RDH8: variants seen among roughly 807,000 people sequenced by gnomAD.
The protein encoded by RDH8 is photoreceptor outer segment all-trans retinol dehydrogenase.
Under a neutral mutation model 22.3 loss-of-function variants are expected in RDH8, and 14 were observed. That is an observed-to-expected ratio of 0.63 (90% confidence interval 0.42 to 0.98). The LOEUF is 0.98. Ranked by LOEUF, RDH8 falls within the 50% of genes least tolerant of loss-of-function variation. The pLI, the probability that RDH8 is intolerant of heterozygous loss-of-function variation, is 0.00. For missense variants in RDH8, 389 were observed against 409.8 expected (o/e 0.95, Z 0.44); for synonymous variants, 175 against 171.7 (o/e 1.02, Z -0.15).
chr19:10,014,578 T>A (rs1248862060), intron 1 of RDH8, among the ~76,000 whole-genome samples: 4 of 152,168 alleles, frequency 2.6e-5, no homozygotes, highest in Non-Finnish European at 5.9e-5. Flanking sequence ...TCTTGCTCTG[T>A]CACCCAGGCT....
In RDH8 at chr19:10,018,782, C is replaced by A. The variant is rs776800011; in HGVS notation, c.314C>A (p.Ala105Asp). 32 of 1,613,646 alleles carry A rather than the reference C, an allele frequency of 2.0e-5. No individual in the cohort carries two copies. The highest frequency in any genetic ancestry group is 4.2e-6 in the Non-Finnish European group (5 of 1,179,778). Residue 105 changes from alanine (A) to aspartate (D), a missense_variant, in exon 3 of 6, where the codon GCT becomes GAT. Ala to Asp is a moderately radical substitution (Grantham distance 126). Transcript: ENST00000591589. Reference sequence around the variant, plus strand: ...GGGCCCCTGGAGGGGCTCAGCCTTGCTGCCATGCAGAATGTCTTTGACACC... The same window carrying A: ...GGGCCCCTGGAGGGGCTCAGCCTTGATGCCATGCAGAATGTCTTTGACACC... ...LVGPLEGLSL[A>D]AMQNVFDTNF... is the part of the protein sequence containing the mutation.
chr19:10,014,318 G>A (rs906812109), intron 1 of RDH8, among the ~76,000 whole-genome samples: 9 of 152,184 alleles, frequency 5.9e-5, no homozygotes, highest in African/African-American at 1.2e-4. Context: ...TTTTAGAGAC[G>A]CACACAGCTT....
chr19:10,016,358 T>C (rs1463489813), intron 1 of RDH8, among the ~76,000 whole-genome samples: 2 of 149,274 alleles, frequency 1.3e-5, no homozygotes, highest in African/African-American at 5.0e-5. Context: ...GGTTTCACCA[T>C]GTTAGCCAGG....
chr19:10,014,250 G>C (rs2087591500), intron 1 of RDH8, among the ~76,000 whole-genome samples: 1 of 152,214 alleles, frequency 6.6e-6, no homozygotes, highest in Admixed American at 6.5e-5. Context: ...AGAGGCGACT[G>C]GGGGTGAGGG....
intron 2 of RDH8, among the ~76,000 whole-genome samples, chr19:10,017,950 A>T (rs1480912357): frequency 1.3e-5 from 2 of 151,308 alleles, no homozygotes; most frequent in Admixed American, 6.6e-5. Flanking sequence ...CTGGCCAAAA[A>T]TCAATTTTTT....
At chr19:10,020,115 TC>T (rs1052204229) in intron 3 of RDH8, among the ~76,000 whole-genome samples, 3 of 149,864 alleles carry the variant, frequency 2.0e-5, no homozygotes, top group African/African-American at 7.4e-5. Context: ...AGACTCCGTC[TC>T]CCCCCCGCCA....
At position 10,020,777 on chromosome 19, in the gene RDH8, A is replaced by G. The variant is rs778989348; in HGVS notation, c.511A>G (p.Ile171Val). 1 of 1,610,116 alleles carries G rather than the reference A, an allele frequency of 6.2e-7. No homozygotes were observed. The highest frequency in any genetic ancestry group is 1.1e-5 in the South Asian group (1 of 90,240). ...GGAGGGATTCTTCGAAAGCCTCGCT[A>G]TCCAGCTGCTGCAGTTCAACATCTT... ...ALEGFFESLAIQLLQFNIFIS... is the reference protein window; with the variant it reads ...ALEGFFESLAVQLLQFNIFIS... The change falls in exon 4 of 6, where the codon ATC becomes GTC. Residue 171 changes from isoleucine to valine, a missense_variant. By Grantham distance (29) the Ile-to-Val change is conservative (BLOSUM62 3). Transcript: ENST00000591589.
intron 1 of RDH8, among the ~76,000 whole-genome samples, chr19:10,016,806 TAGAATAGGG>T: frequency 6.6e-6 from 1 of 152,142 alleles, no homozygotes. Context: ...CCTCAGCACC[TAGAATAGGG>T]CATAGTGTAT....
In RDH8 at chr19:10,014,912, T is replaced by C. The variant is rs1599240661; in HGVS notation, c.103+1312T>C. Among the ~76,000 whole-genome samples, 6 of 152,290 alleles carry C rather than the reference T, an allele frequency of 3.9e-5. 1 individual carries two copies. The highest frequency in any genetic ancestry group is 3.9e-4 in the Admixed American group (6 of 15,288). On this transcript the variant is annotated intron_variant, in intron 1 of 5. Transcript: ENST00000591589. ...TGCTCAAGGTCTCCCAGCTGCAAAG[T>C]AGCAGAGCTGGGATTTGAACTCAGG...
Position 10,021,511 on chromosome 19 carries a change from C to A in RDH8, c.721-23C>A, listed in dbSNP as rs370927889. On this transcript the variant is annotated intron_variant, in intron 5 of 5. Coordinates refer to ENST00000591589, the MANE Select transcript of RDH8 (RefSeq NM_015725.4). ...GGGTGAGGCCCTCCCTGGGTCCCAG[C>A]GCTCAGGGCCTCCATTCTGCAGGCC... The A allele has an allele frequency of 1.5e-5, 25 of 1,613,874 alleles. No homozygotes were observed. In the African/African-American group the frequency reaches 2.7e-4, roughly 17 times the overall value.
chr19:10,018,254 T>C (rs934489474), intron 2 of RDH8, among the ~76,000 whole-genome samples: 7 of 152,220 alleles, frequency 4.6e-5, no homozygotes, highest in African/African-American at 1.7e-4. Context: ...CAAAAATCAA[T>C]TTTTTTAAAA....
rs2087666132 is a variant in RDH8, at chr19:10,021,974, G to C, written c.*225G>C. ...AGAGGGACCCTGGGAACTTGGCCTG[G>C]GAAGCCCAGAGCAGGAAGCCACAGC... On this transcript the variant is annotated 3_prime_UTR_variant, in exon 6 of 6. Transcript: ENST00000591589. 1.7e-6 allele frequency: 1 copy of C among 579,896 alleles called. No individual in the cohort carries two copies. Among genetic ancestry groups the C allele is most frequent in the African/African-American group, 1.9e-5 (1 of 53,404 alleles). The allele number at this position is 579,896 out of a possible 1,614,324, so 35.9% of individuals were successfully genotyped here.
At chr19:10,013,689 T>C in intron 1 of RDH8, 89 bp downstream of exon 1, 5 of 1,407,772 alleles carry the variant, frequency 3.6e-6, no homozygotes, top group Non-Finnish European at 4.9e-6. Context: ...CCAGCTGCAC[T>C]TGTGGGCTTG....
chr19:10,018,811 T>C lies in RDH8; in HGVS notation c.343T>C (p.Phe115Leu). 6.2e-7 allele frequency: 1 copy of C among 1,613,954 alleles called. No individual in the cohort carries two copies. Among genetic ancestry groups the C allele is most frequent in the Non-Finnish European group, 8.5e-7 (1 of 1,179,918 alleles). Residue 115 changes from phenylalanine (F) to leucine (L), a missense_variant, in exon 3 of 6, where the codon TTT (phenylalanine) becomes CTT (leucine). Transcript: ENST00000591589. Reference sequence around the variant, plus strand: ...CATGCAGAATGTCTTTGACACCAACTTTTTCGGAGCTGTCCGTCTCGTCAA... The same window carrying C: ...CATGCAGAATGTCTTTGACACCAACCTTTTCGGAGCTGTCCGTCTCGTCAA... ...AAMQNVFDTNFFGAVRLVKAV... is the reference protein window; with the variant it reads ...AAMQNVFDTNLFGAVRLVKAV...
At position 10,018,810 on chromosome 19, in the gene RDH8, CT is replaced by C. The variant is rs1190665122; in HGVS notation, c.347del (p.Phe116SerfsTer14). ...CCATGCAGAATGTCTTTGACACCAA[CT>C]TTTTCGGAGCTGTCCGTCTCGTCAA... ...AAMQNVFDTN[F>X]FGAVRLVKAV... On this transcript the variant is annotated frameshift_variant, in exon 3 of 6. Coordinates refer to ENST00000591589, the MANE Select transcript of RDH8 (RefSeq NM_015725.4). LOFTEE classifies it high-confidence loss of function. The C allele has an allele frequency of 1.2e-6, 2 of 1,614,022 alleles. No individual in the cohort carries two copies. The highest frequency in any genetic ancestry group is 1.7e-6 in the Non-Finnish European group (2 of 1,179,950).
rs1357148858 is a variant in RDH8, at chr19:10,018,653, G to T, written c.263-78G>T. ...GCCTTGGACTTGGAGTACGGGGTGA[G>T]GTGCTTCAGGGAGTGTCTAGAAGTA... On this transcript the variant is annotated intron_variant, in intron 2 of 5. Transcript: ENST00000591589. The T allele has an allele frequency of 5.0e-6, 6 of 1,190,316 alleles. No homozygotes were observed. The Admixed American group carries it at 1.4e-4, about 27-fold the overall frequency. The allele number at this position is 1,190,316 out of a possible 1,614,324, so 73.7% of individuals were successfully genotyped here. A position where few individuals can be genotyped will look rare whatever the true frequency, so the allele number is the denominator to read the frequency against.
At chr19:10,019,020 G>A in intron 3 of RDH8, 110 bp downstream of exon 3, 1 of 912,694 alleles carries the variant, frequency 1.1e-6, no homozygotes, top group Non-Finnish European at 1.6e-6. Context: ...ATGGACCCTG[G>A]GCACGGTGAT....
chr19:10,021,624 G>A lies in RDH8; in HGVS notation c.811G>A (p.Asp271Asn). 6.2e-7 allele frequency: 1 copy of A among 1,613,680 alleles called. No homozygotes were observed. Among genetic ancestry groups the A allele is most frequent in the South Asian group, 1.1e-5 (1 of 91,054 alleles). Residue 271 changes from aspartate (D) to asparagine (N), a missense_variant, in exon 6 of 6, where the codon GAT (aspartate) becomes AAT (asparagine). By Grantham distance (23) the Asp-to-Asn change is conservative (BLOSUM62 1). Coordinates refer to ENST00000591589, the MANE Select transcript of RDH8 (RefSeq NM_015725.4). ...YSPLTTLKTV[D>N]SSGSLYVRTT... is the part of the protein sequence containing the mutation. ...GCCGCTGACCACGCTCAAAACCGTG[G>A]ATTCCTCTGGCAGCCTGTATGTGCG...
chr19:10,017,197 G>A lies in RDH8; in HGVS notation c.244G>A (p.Gly82Arg), dbSNP rs2087625912. Reference sequence around the variant, plus strand: ...GGCCCAGTGTCTCAGCTGTATCCAGGGAGAAGTGGACGTGCTGGGTGAGAC... The same window carrying A: ...GGCCCAGTGTCTCAGCTGTATCCAGAGAGAAGTGGACGTGCTGGGTGAGAC... Reference protein sequence around the residue: ...SVAQCLSCIQGEVDVLVNNAG... With the variant: ...SVAQCLSCIQREVDVLVNNAG... The change falls in exon 2 of 6, where the codon GGA becomes AGA. Residue 82 changes from glycine to arginine, a missense_variant. Coordinates refer to ENST00000591589, the MANE Select transcript of RDH8 (RefSeq NM_015725.4). The A allele has an allele frequency of 1.3e-6, 2 of 1,599,092 alleles. No homozygotes were observed. The highest frequency in any genetic ancestry group is 1.3e-5 in the African/African-American group (1 of 74,788).
Sources: gnomAD v4.1 joint callset for allele counts (sites outside exome capture counted in the v4.1 genomes callset) on GRCh38, gnomAD v4.1.1 for gene constraint, MANE v1.5 for transcripts, NCBI Gene and HGNC (gene_info 2026-07-23, HGNC 2026-07-21) for gene names.